Variants in DIS3L2 observed in about 807,000 individuals in gnomAD.
DIS3L2 encodes the protein DIS3 like 3'-5' exoribonuclease 2, also known as DIS3-like exonuclease 2.
A neutral mutation model predicts 97.5 loss-of-function variants in DIS3L2; 34 were observed. The ratio of observed to expected loss-of-function variants is 0.35; its 90% CI spans 0.27 to 0.46. The LOEUF is 0.46. DIS3L2 is among the 20% of genes least tolerant of loss of function. The pLI, the probability that DIS3L2 is intolerant of heterozygous loss-of-function variation, is 1.00. For missense variants in DIS3L2, 1,038 were observed against 1,146.0 expected, an observed-to-expected ratio of 0.91 and a Z score of 1.36; for synonymous variants, 435 against 445.2, an observed-to-expected ratio of 0.98 and a Z score of 0.29.
chr2:232,340,751 C>G (rs575894384), downstream of DIS3L2: 1 of 471,106 alleles, frequency 2.1e-6, no homozygotes, highest in Non-Finnish European at 4.4e-6. Context: ...CTCAGAGATT[C>G]CTCAACTCGG....
At chr2:232,334,953 A>G (rs1213957648) in intron 19 of DIS3L2, 1 of 550,166 alleles carries the variant, frequency 1.8e-6, no homozygotes, top group African/African-American at 1.9e-5. Context: ...GGACCCAGGA[A>G]CCAGAGAGCA....
chr2:232,015,745 T>TC (rs912636092), intron 3 of DIS3L2, 74 bp downstream of exon 3: 38 of 1,547,898 alleles, frequency 2.5e-5, no homozygotes, highest in Non-Finnish European at 3.3e-5. Context: ...TGTTTCCTGT[T>TC]CTGTGCTATA....
intron 8 of DIS3L2, among the ~76,000 whole-genome samples, chr2:232,162,919 G>T (rs527772591): frequency 7.2e-5 from 11 of 152,290 alleles, no homozygotes; most frequent in African/African-American, 2.4e-4. Flanking sequence ...ATGTGCATGG[G>T]TGACTGGTTT....
At chr2:232,116,838 AC>A (rs1697731905) in intron 6 of DIS3L2, among the ~76,000 whole-genome samples, 1 of 150,916 alleles carries the variant, frequency 6.6e-6, no homozygotes, top group South Asian at 2.1e-4. Context: ...AAAAAGAACA[AC>A]AACAACAACA....
At chr2:232,004,950 G>T (rs942190198) in intron 1 of DIS3L2, among the ~76,000 whole-genome samples, 2 of 152,050 alleles carry the variant, frequency 1.3e-5, no homozygotes, top group African/African-American at 2.4e-5. Flanking sequence ...GTCATTTCAA[G>T]TGTCTTTTCC....
At chr2:232,125,594 T>C (rs1698042406) in intron 6 of DIS3L2, among the ~76,000 whole-genome samples, 1 of 152,190 alleles carries the variant, frequency 6.6e-6, no homozygotes, top group Non-Finnish European at 1.5e-5. Context: ...AGAGGTAATA[T>C]AGGCGAGCAT....
chr2:232,041,219 C>A (rs1695102455), intron 5 of DIS3L2, among the ~76,000 whole-genome samples: 1 of 152,126 alleles, frequency 6.6e-6, no homozygotes, highest in Non-Finnish European at 1.5e-5. Flanking sequence ...CAATAAAAGT[C>A]ACATCAGAGT....
intron 3 of DIS3L2, chr2:232,015,935 A>G (rs1214731138): frequency 2.2e-5 from 7 of 313,600 alleles, no homozygotes; most frequent in African/African-American, 1.0e-4. Flanking sequence ...TCCCATTAGG[A>G]TTGTCTAGAG....
At chr2:232,146,023 C>T (rs774193806) in intron 8 of DIS3L2, among the ~76,000 whole-genome samples, 10 of 152,122 alleles carry the variant, frequency 6.6e-5, no homozygotes, top group Non-Finnish European at 1.3e-4. Context: ...TGAGGCAGAT[C>T]CACTCTAGGA....
chr2:232,158,155 T>C (rs11695634), intron 8 of DIS3L2, among the ~76,000 whole-genome samples: 1,904 of 152,330 alleles, frequency 0.012, 17 homozygotes, highest in Non-Finnish European at 0.018. Flanking sequence ...TTCTGCCCAC[T>C]GGGAGAAAGT....
rs149683438 is a variant in DIS3L2 at position 232,270,921 on chromosome 2, GTCTC to G, written c.1659+7497_1659+7500del. Among the ~76,000 whole-genome samples, 17 of 62,588 alleles carry G rather than the reference GTCTC, an allele frequency of 2.7e-4. No homozygotes were observed. The East Asian group carries it at 3.3e-3, about 12-fold the overall frequency. 41.1% of individuals were successfully genotyped at this position (62,588 alleles called of 152,430 possible). Reference sequence around the variant, plus strand: ...CTCTCTCTCTCTCTCTCTCTGTCTCGTCTCTCTCTCTCTCTCTCTGTCTCTCTCA... The same window carrying G: ...CTCTCTCTCTCTCTCTCTCTGTCTCGTCTCTCTCTCTCTCTGTCTCTCTCA... On this transcript the variant is annotated intron_variant, in intron 13 of 20. Transcript: ENST00000325385.
intron 1 of DIS3L2, among the ~76,000 whole-genome samples, chr2:231,988,990 C>T (rs1693502543): frequency 6.6e-6 from 1 of 152,112 alleles, no homozygotes; most frequent in Admixed American, 6.5e-5. Flanking sequence ...CATATTTTTC[C>T]AAATTGCCAT....
intron 6 of DIS3L2, among the ~76,000 whole-genome samples, chr2:232,099,076 G>A (rs544420650): frequency 1.1e-4 from 17 of 152,194 alleles, no homozygotes; most frequent in African/African-American, 3.9e-4. Flanking sequence ...TAAGATTATC[G>A]TCTGGTTTCT....
chr2:232,073,429 G>T (rs1170682399), intron 5 of DIS3L2, among the ~76,000 whole-genome samples: 2 of 152,184 alleles, frequency 1.3e-5, no homozygotes, highest in Non-Finnish European at 2.9e-5. Flanking sequence ...ATGGGTATAT[G>T]TGAATCTTTT....
chr2:231,962,527 T>G (rs564920009), intron 1 of DIS3L2, among the ~76,000 whole-genome samples: 7 of 150,754 alleles, frequency 4.6e-5, no homozygotes, highest in Middle Eastern at 3.4e-3. Context: ...CTCCGCCTCC[T>G]GGGTTCATGC....
At chr2:232,329,785 T>TCCCGGGGGGGCG in intron 14 of DIS3L2, 28 bp from the exon 15 acceptor site, 2 of 967,144 alleles carry the variant, frequency 2.1e-6, no homozygotes, top group Non-Finnish European at 2.9e-6. Context: ...ACCCCAGCGG[T>TCCCGGGGGGGCG]CCCTCCCATC....
chr2:232,255,673 A>C (rs1693540239), intron 12 of DIS3L2, among the ~76,000 whole-genome samples: 1 of 152,190 alleles, frequency 6.6e-6, no homozygotes, highest in Admixed American at 6.5e-5. Context: ...TTAGAATCTT[A>C]GGGCCAAAGA....
chr2:232,033,057 G>C (rs1051783076), intron 5 of DIS3L2, among the ~76,000 whole-genome samples: 3 of 152,122 alleles, frequency 2.0e-5, no homozygotes, highest in Non-Finnish European at 4.4e-5. Context: ...GAATAGCATT[G>C]AATCTAAATT....
At chr2:232,157,562 G>A (rs1048033812) in intron 8 of DIS3L2, among the ~76,000 whole-genome samples, 3 of 152,194 alleles carry the variant, frequency 2.0e-5, no homozygotes, top group Non-Finnish European at 4.4e-5. Context: ...GAGGATTGTG[G>A]TGTTTACATA....
Sources: gnomAD v4.1 joint callset for allele counts (sites outside exome capture counted in the v4.1 genomes callset) on GRCh38, gnomAD v4.1.1 for gene constraint, MANE v1.5 for transcripts, NCBI Gene and HGNC (gene_info 2026-07-23, HGNC 2026-07-21) for gene names.